LINGO2: variants seen among roughly 807,000 people sequenced by gnomAD.
LINGO2 encodes leucine-rich repeat and immunoglobulin-like domain-containing nogo receptor-interacting protein 2.
A neutral mutation model predicts 30.6 loss-of-function variants in LINGO2; 14 were observed. That is an observed-to-expected ratio of 0.46 (90% CI 0.30 to 0.72). The LOEUF (loss-of-function observed/expected upper bound fraction) is 0.72, where lower values mean the gene tolerates loss of function less well. Among genes scored for constraint, LINGO2 ranks in the 30% least tolerant of loss-of-function variants. LINGO2 has a pLI of 0.07. For missense variants in LINGO2, 729 were observed against 751.7 expected (o/e 0.97, Z 0.35); for synonymous variants, 317 against 288.5 (o/e 1.10, Z -1.00).
At chr9:28,790,207 A>G in the LINGO2 span, among the ~76,000 whole-genome samples, 1 of 151,922 alleles carries the variant, frequency 6.6e-6, no homozygotes, top group African/African-American at 2.4e-5. Flanking sequence ...CCTGTCTGTT[A>G]GTCATTTAGT....
intron 2 of LINGO2, among the ~76,000 whole-genome samples, chr9:28,423,266 G>A (rs1419498047): frequency 6.6e-6 from 1 of 151,982 alleles, no homozygotes; most frequent in Non-Finnish European, 1.5e-5. Flanking sequence ...TAAATATTAA[G>A]AGAATGTCCT....
chr9:29,166,773 T>G, the LINGO2 span, among the ~76,000 whole-genome samples: 1 of 152,154 alleles, frequency 6.6e-6, no homozygotes. Flanking sequence ...TCCATTCACA[T>G]GAGCCATTTC....
At chr9:28,417,187 C>T (rs1200657687) in intron 2 of LINGO2, among the ~76,000 whole-genome samples, 1 of 152,068 alleles carries the variant, frequency 6.6e-6, no homozygotes, top group East Asian at 1.9e-4. Flanking sequence ...CTGGCAAGGC[C>T]AACTTGTTTC....
At chr9:28,861,281 T>G in the LINGO2 span, among the ~76,000 whole-genome samples, 2 of 124,830 alleles carry the variant, frequency 1.6e-5, no homozygotes, top group Admixed American at 1.0e-4. Flanking sequence ...AATATTTATA[T>G]ATTATATATT....
intron 3 of LINGO2, among the ~76,000 whole-genome samples, chr9:28,323,338 G>A (rs544560598): frequency 9.2e-5 from 14 of 152,224 alleles, no homozygotes; most frequent in South Asian, 2.1e-4. Context: ...GGTGGCTCAC[G>A]CCTGTAATCC....
rs545926668 is a variant in LINGO2 at position 27,948,747 on chromosome 9, G to T, written c.*104C>A. On this transcript the variant is annotated 3_prime_UTR_variant, in exon 6 of 6. Coordinates refer to ENST00000379992, the Ensembl canonical transcript of LINGO2. The stretch of plus-strand genomic sequence containing the variant: ...TCCATAGACCCTGCTTTTGATACAG[G>T]GGCAGCTGCACATGGCTGCCTCTTA... 57 of 1,305,688 alleles carry T rather than the reference G, an allele frequency of 4.4e-5. No homozygotes were observed. The South Asian group carries it at 7.5e-4, about 17-fold the overall frequency. 80.9% of individuals were successfully genotyped at this position (1,305,688 alleles called of 1,614,324 possible).
intron 3 of LINGO2, among the ~76,000 whole-genome samples, chr9:28,324,006 A>G (rs1420237301): frequency 1.3e-5 from 2 of 152,208 alleles, no homozygotes; most frequent in Admixed American, 1.3e-4. Flanking sequence ...GATTCTAGAG[A>G]AAGTCACAGC....
chr9:28,080,947 G>A (rs187910230), intron 4 of LINGO2: 56 of 152,316 alleles, frequency 3.7e-4, no homozygotes, highest in African/African-American at 1.2e-3. Flanking sequence ...GACAGCAAAT[G>A]GGATAGAGTA....
At position 28,233,077 on chromosome 9, in the gene LINGO2, T is replaced by C. The variant is rs558790505; in HGVS notation, c.-87+62131A>G. 1.2e-3 allele frequency among the ~76,000 whole-genome samples: 169 copies of C among 138,356 alleles called. 1 individual carries two copies. The highest frequency in any genetic ancestry group is 2.3e-3 in the Non-Finnish European group (150 of 65,248). 90.8% of individuals were successfully genotyped at this position (138,356 alleles called of 152,430 possible). ...ATATATATATTAGATATATAATAGA[T>C]ATACAGTAAACATTTTAAATATATG... On this transcript the variant is annotated intron_variant, in intron 4 of 5. Transcript: ENST00000379992.
chr9:27,987,041 T>C (rs1808716253), intron 5 of LINGO2, among the ~76,000 whole-genome samples: 1 of 148,552 alleles, frequency 6.7e-6, no homozygotes, highest in Non-Finnish European at 1.5e-5. Flanking sequence ...GACTTTTTTT[T>C]GTGTGTGTGT....
At chr9:27,969,796 C>T (rs1286242888) in intron 5 of LINGO2, among the ~76,000 whole-genome samples, 1 of 151,974 alleles carries the variant, frequency 6.6e-6, no homozygotes, top group Non-Finnish European at 1.5e-5. Flanking sequence ...AATTGAGTCT[C>T]AGGAGATCTG....
chr9:28,402,434 T>C (rs1022782606), intron 2 of LINGO2, among the ~76,000 whole-genome samples: 1 of 152,078 alleles, frequency 6.6e-6, no homozygotes, highest in East Asian at 1.9e-4. Context: ...GAAATCATCA[T>C]CAAGGTGTCA....
chr9:28,045,824 G>A (rs566471699), intron 4 of LINGO2, among the ~76,000 whole-genome samples: 2 of 152,094 alleles, frequency 1.3e-5, no homozygotes, highest in Non-Finnish European at 2.9e-5. Context: ...AAGCGGCAAG[G>A]GAATTCAACA....
chr9:28,382,474 A>AC, intron 2 of LINGO2, among the ~76,000 whole-genome samples: 1 of 152,168 alleles, frequency 6.6e-6, no homozygotes, highest in Non-Finnish European at 1.5e-5. Flanking sequence ...TTAAGGACAG[A>AC]AACAATACAC....
chr9:29,174,713 A>G, the LINGO2 span, among the ~76,000 whole-genome samples: 52,941 of 152,180 alleles, frequency 0.35, 11,043 homozygotes, highest in Admixed American at 0.49. Flanking sequence ...ATTATGTGGA[A>G]ATAAAGTTCA....
At chr9:28,600,440 A>G (rs1463957935) in intron 1 of LINGO2, among the ~76,000 whole-genome samples, 2 of 152,104 alleles carry the variant, frequency 1.3e-5, no homozygotes, top group African/African-American at 4.8e-5. Flanking sequence ...CTTTTCCTAG[A>G]AAAAGGAAGC....
intron 4 of LINGO2, among the ~76,000 whole-genome samples, chr9:28,276,699 C>T (rs987036854): frequency 2.6e-5 from 4 of 152,156 alleles, no homozygotes; most frequent in African/African-American, 7.2e-5. Context: ...AACTACTTCT[C>T]GCATATTATA....
the LINGO2 span, among the ~76,000 whole-genome samples, chr9:28,902,032 A>G: frequency 2.0e-4 from 30 of 152,248 alleles, no homozygotes; most frequent in Admixed American, 1.5e-3. Context: ...TCTAAAATTA[A>G]TAATAACAAT....
chr9:28,308,502 A>G (rs1824466454), intron 3 of LINGO2, among the ~76,000 whole-genome samples: 2 of 147,410 alleles, frequency 1.4e-5, no homozygotes, highest in South Asian at 4.3e-4. Flanking sequence ...AGGCGTTACC[A>G]TTCAGGACAT....
Sources: gnomAD v4.1 joint callset for allele counts (sites outside exome capture counted in the v4.1 genomes callset) on GRCh38, gnomAD v4.1.1 for gene constraint, MANE v1.5 for transcripts, NCBI Gene and HGNC (gene_info 2026-07-23, HGNC 2026-07-21) for gene names.